SEMA6D: variants seen among roughly 807,000 people sequenced by gnomAD.
SEMA6D encodes semaphorin 6D, also known as semaphorin-6D.
Under a neutral mutation model 106.6 loss-of-function variants are expected in SEMA6D, and 35 were observed. That is an observed-to-expected ratio of 0.33 (90% CI 0.25 to 0.44). SEMA6D has a LOEUF of 0.44. SEMA6D is among the 20% of genes least tolerant of loss of function. The pLI, the probability that SEMA6D is intolerant of heterozygous loss-of-function variation, is 1.00. For missense variants in SEMA6D, 1,185 were observed against 1,345.9 expected, an observed-to-expected ratio of 0.88 and a Z score of 1.87; for synonymous variants, 499 against 487.7, an observed-to-expected ratio of 1.02 and a Z score of -0.31.
chr15:47,395,150 A>T (rs1365398262), intron 1 of SEMA6D, among the ~76,000 whole-genome samples: 2 of 152,226 alleles, frequency 1.3e-5, no homozygotes, highest in Non-Finnish European at 2.9e-5. Flanking sequence ...AAACTAAAAA[A>T]GACAAAGTGC....
intron 1 of SEMA6D, among the ~76,000 whole-genome samples, chr15:47,402,903 G>A (rs1451977196): frequency 2.0e-5 from 3 of 152,146 alleles, no homozygotes; most frequent in Non-Finnish European, 2.9e-5. Flanking sequence ...AAGAGGCAAA[G>A]CCTCCATCAT....
chr15:47,218,747 CTG>C, intron 1 of SEMA6D, among the ~76,000 whole-genome samples: 1 of 152,282 alleles, frequency 6.6e-6, no homozygotes, highest in African/African-American at 2.4e-5. Context: ...GTGCCAGACA[CTG>C]TGTCAATTGT....
intron 17 of SEMA6D, among the ~76,000 whole-genome samples, chr15:47,768,074 A>G (rs2082437252): frequency 6.6e-6 from 1 of 152,174 alleles, no homozygotes; most frequent in South Asian, 2.1e-4. Flanking sequence ...CCCTGGTAAC[A>G]ACCTCTTAGG....
intron 2 of SEMA6D, among the ~76,000 whole-genome samples, chr15:47,448,796 A>T (rs1217184840): frequency 6.6e-6 from 1 of 152,074 alleles, no homozygotes; most frequent in African/African-American, 2.4e-5. Flanking sequence ...TTCCAATGAG[A>T]GGACTCGGTC....
At chr15:47,491,281 A>C (rs534063887) in intron 3 of SEMA6D, among the ~76,000 whole-genome samples, 5 of 152,342 alleles carry the variant, frequency 3.3e-5, no homozygotes, top group Non-Finnish European at 7.4e-5. Context: ...GACTGTAAAA[A>C]TAACTTGTGA....
chr15:47,583,156 A>T (rs952108248), intron 3 of SEMA6D, among the ~76,000 whole-genome samples: 2 of 152,158 alleles, frequency 1.3e-5, no homozygotes, highest in South Asian at 4.1e-4. Context: ...GATGGCCCTA[A>T]GTCCACTTCA....
chr15:47,709,288 TA>T (rs1354938158), intron 4 of SEMA6D, among the ~76,000 whole-genome samples: 2 of 152,144 alleles, frequency 1.3e-5, no homozygotes, highest in Admixed American at 6.5e-5. Context: ...CCTTAGGACC[TA>T]GAGGTAGTAA....
At chr15:47,450,041 G>T (rs1005475887) in intron 2 of SEMA6D, among the ~76,000 whole-genome samples, 1 of 152,236 alleles carries the variant, frequency 6.6e-6, no homozygotes, top group East Asian at 1.9e-4. Context: ...GTACATAGGG[G>T]ATAGTTGGGC....
chr15:47,272,347 C>T (rs2034595187), intron 1 of SEMA6D, among the ~76,000 whole-genome samples: 1 of 152,108 alleles, frequency 6.6e-6, no homozygotes, highest in South Asian at 2.1e-4. Flanking sequence ...CTATGTATCT[C>T]TTACCTGCAA....
intron 4 of SEMA6D, among the ~76,000 whole-genome samples, chr15:47,665,279 C>T (rs1439131906): frequency 3.3e-5 from 5 of 152,142 alleles, no homozygotes; most frequent in South Asian, 4.1e-4. Flanking sequence ...ATTTCCTCTA[C>T]GTTTAATTGT....
chr15:47,386,717 G>A (rs1391244179), intron 1 of SEMA6D, among the ~76,000 whole-genome samples: 6 of 152,170 alleles, frequency 3.9e-5, no homozygotes, highest in African/African-American at 1.4e-4. Context: ...GGTTTCAGAG[G>A]GCAATAGCTG....
intron 3 of SEMA6D, among the ~76,000 whole-genome samples, chr15:47,482,156 A>T (rs2043171026): frequency 6.6e-6 from 1 of 152,172 alleles, no homozygotes; most frequent in Non-Finnish European, 1.5e-5. Context: ...AATTTAGATT[A>T]AAGATATATT....
At chr15:47,590,579 G>T (rs2076421011) in intron 3 of SEMA6D, among the ~76,000 whole-genome samples, 1 of 151,884 alleles carries the variant, frequency 6.6e-6, no homozygotes. Context: ...AAGAAACAGG[G>T]TCTCTGTAGA....
chr15:47,646,319 T>C (rs183496540), intron 4 of SEMA6D, among the ~76,000 whole-genome samples: 4 of 152,322 alleles, frequency 2.6e-5, no homozygotes, highest in Admixed American at 2.0e-4. Context: ...CAAATAAATA[T>C]ATAGATTTCA....
chr15:47,306,885 G>A (rs1595694130), intron 1 of SEMA6D, among the ~76,000 whole-genome samples: 1 of 152,180 alleles, frequency 6.6e-6, no homozygotes, highest in Non-Finnish European at 1.5e-5. Context: ...ATAGGTATGT[G>A]TATCTTCATT....
chr15:47,493,923 A>C (rs1291138280), intron 3 of SEMA6D, among the ~76,000 whole-genome samples: 1 of 152,204 alleles, frequency 6.6e-6, no homozygotes, highest in Non-Finnish European at 1.5e-5. Flanking sequence ...TTTGCAAAAC[A>C]AATTGAATAA....
intron 1 of SEMA6D, among the ~76,000 whole-genome samples, chr15:47,360,322 A>G (rs1448090648): frequency 2.0e-5 from 3 of 152,344 alleles, no homozygotes; most frequent in Non-Finnish European, 2.9e-5. Context: ...GCAGATAAGC[A>G]TAAGTCTATG....
chr15:47,675,571 C>T (rs2078227785), intron 4 of SEMA6D, among the ~76,000 whole-genome samples: 1 of 152,072 alleles, frequency 6.6e-6, no homozygotes, highest in Non-Finnish European at 1.5e-5. Context: ...TGGTATTTTG[C>T]TATGGTAGAC....
chr15:47,430,485 A>G (rs924599233), intron 2 of SEMA6D, among the ~76,000 whole-genome samples: 2 of 151,634 alleles, frequency 1.3e-5, no homozygotes, highest in East Asian at 1.9e-4. Context: ...TAAAATATAT[A>G]TTTTTTACTC....
Sources: allele counts gnomAD v4.1 joint callset (sites outside exome capture counted in the v4.1 genomes callset), GRCh38; gene constraint gnomAD v4.1.1; transcripts MANE v1.5; gene names NCBI Gene and HGNC (gene_info 2026-07-23, HGNC 2026-07-21).